The following FAM227B variants were observed in gnomAD, a reference collection of about 807,000 sequenced individuals.
The protein encoded by FAM227B is protein FAM227B.
Under a neutral mutation model 73.8 loss-of-function variants are expected in FAM227B, and 88 were observed. The ratio of observed to expected loss-of-function variants is 1.19; its 90% CI spans 1.00 to 1.42. The LOEUF is 1.42. FAM227B is among the 40% of genes most tolerant of loss of function. The pLI, the probability that FAM227B is intolerant of heterozygous loss-of-function variation, is 0.00. For synonymous variants in FAM227B, 210 were observed against 190.5 expected, an observed-to-expected ratio of 1.10 and a Z score of -0.84; for missense variants, 632 against 590.9, an observed-to-expected ratio of 1.07 and a Z score of -0.72.
chr15:49,511,552 C>A (rs893023398), intron 10 of FAM227B, among the ~76,000 whole-genome samples: 1 of 151,932 alleles, frequency 6.6e-6, no homozygotes, highest in Admixed American at 6.6e-5. Context: ...GCACAGATCC[C>A]CATCACCTAG....
At chr15:49,554,185 C>T (rs1337718955) in intron 9 of FAM227B, among the ~76,000 whole-genome samples, 1 of 152,104 alleles carries the variant, frequency 6.6e-6, no homozygotes, top group Non-Finnish European at 1.5e-5. Flanking sequence ...AGTCAAAGTC[C>T]TCCCCACTCT....
At chr15:49,496,035 A>G (rs1597601761) in intron 11 of FAM227B, among the ~76,000 whole-genome samples, 2 of 152,070 alleles carry the variant, frequency 1.3e-5, no homozygotes, top group East Asian at 1.9e-4. Flanking sequence ...AAAATAAAAT[A>G]AATAAAATAA....
chr15:49,524,209 G>A (rs1004915571), intron 10 of FAM227B, among the ~76,000 whole-genome samples: 1 of 152,318 alleles, frequency 6.6e-6, no homozygotes, highest in South Asian at 2.1e-4. Context: ...CAGGCTTGGA[G>A]GCCTAGAAGG....
intron 11 of FAM227B, among the ~76,000 whole-genome samples, chr15:49,415,553 G>C (rs1001142625): frequency 4.6e-5 from 7 of 152,034 alleles, no homozygotes; most frequent in Admixed American, 3.9e-4. Flanking sequence ...GCTCCAACTA[G>C]AGATTTTGCT....
chr15:49,568,877 G>A (rs1488016949), intron 8 of FAM227B, among the ~76,000 whole-genome samples: 1 of 151,954 alleles, frequency 6.6e-6, no homozygotes, highest in African/African-American at 2.4e-5. Flanking sequence ...TTTAGTATCA[G>A]AGTAATACCT....
intron 6 of FAM227B, chr15:49,577,230 G>A (rs751466043): frequency 4.0e-5 from 13 of 326,030 alleles, no homozygotes; most frequent in Non-Finnish European, 3.1e-5. Flanking sequence ...CTGGGAGGCA[G>A]AGGTTGCAGT....
At chr15:49,371,527 T>A (rs2045805302) in intron 11 of FAM227B, 128 bp from the exon 12 acceptor site, 1 of 444,264 alleles carries the variant, frequency 2.3e-6, no homozygotes, top group Non-Finnish European at 4.0e-6. Flanking sequence ...GGATAAAGAG[T>A]GTTAAGACAT....
chr15:49,440,028 T>C (rs2051488735), intron 11 of FAM227B, among the ~76,000 whole-genome samples: 2 of 151,900 alleles, frequency 1.3e-5, no homozygotes, highest in South Asian at 4.1e-4. Context: ...AATAAAAGTT[T>C]AAGAAGCACT....
intron 9 of FAM227B, among the ~76,000 whole-genome samples, chr15:49,564,129 T>G (rs1240228638): frequency 6.6e-6 from 1 of 151,984 alleles, no homozygotes; most frequent in Non-Finnish European, 1.5e-5. Flanking sequence ...AAACTTAAGA[T>G]TTAAGCAATT....
intron 8 of FAM227B, among the ~76,000 whole-genome samples, chr15:49,569,431 G>T (rs532003218): frequency 6.6e-6 from 1 of 150,892 alleles, no homozygotes; most frequent in Non-Finnish European, 1.5e-5. Flanking sequence ...TTCTGTTTCC[G>T]GTTACTTAAT....
intron 11 of FAM227B, among the ~76,000 whole-genome samples, chr15:49,474,690 C>T (rs571332684): frequency 3.3e-5 from 5 of 152,276 alleles, no homozygotes; most frequent in East Asian, 1.9e-4. Context: ...AGGAACTAGG[C>T]GGCAGAGCAG....
chr15:49,607,255 G>GA (rs1177450443), intron 3 of FAM227B, among the ~76,000 whole-genome samples: 6 of 151,894 alleles, frequency 4.0e-5, no homozygotes, highest in Non-Finnish European at 7.4e-5. Context: ...CTGTCATTTT[G>GA]AAAAAAAGAG....
chr15:49,597,725 C>G (rs565160850), intron 3 of FAM227B, among the ~76,000 whole-genome samples: 2 of 151,858 alleles, frequency 1.3e-5, no homozygotes, highest in Non-Finnish European at 2.9e-5. Context: ...AGACCATTAG[C>G]GAGATTAAGC....
intron 13 of FAM227B, chr15:49,365,730 A>G (rs143703396): frequency 4.5e-6 from 4 of 880,894 alleles, no homozygotes; most frequent in Non-Finnish European, 5.8e-6. Flanking sequence ...TCTCCAAGAT[A>G]TCTTGTAAAA....
At chr15:49,371,203 A>C in intron 12 of FAM227B, 99 bp downstream of exon 12, 1 of 560,594 alleles carries the variant, frequency 1.8e-6, no homozygotes, top group Non-Finnish European at 3.2e-6. Flanking sequence ...TATGGTAAGA[A>C]TGTAGTAACC....
intron 13 of FAM227B, among the ~76,000 whole-genome samples, chr15:49,352,928 T>G (rs964170844): frequency 1.3e-5 from 2 of 152,218 alleles, no homozygotes; most frequent in Non-Finnish European, 2.9e-5. Context: ...GTGTTCTGTC[T>G]TACTGCAGTG....
At chr15:49,591,030 T>TG (rs1269941972) in intron 3 of FAM227B, among the ~76,000 whole-genome samples, 1 of 86,390 alleles carries the variant, frequency 1.2e-5, no homozygotes, top group Non-Finnish European at 2.2e-5. Flanking sequence ...CTTTTTTTTG[T>TG]TTTTTTTTTT....
At chr15:49,535,400 C>A (rs1360358576) in intron 10 of FAM227B, among the ~76,000 whole-genome samples, 1 of 151,612 alleles carries the variant, frequency 6.6e-6, no homozygotes, top group Non-Finnish European at 1.5e-5. Flanking sequence ...AACATACCAA[C>A]AACAAATAAA....
At chr15:49,533,023 C>T (rs921617742) in intron 10 of FAM227B, among the ~76,000 whole-genome samples, 1 of 151,894 alleles carries the variant, frequency 6.6e-6, no homozygotes, top group Non-Finnish European at 1.5e-5. Flanking sequence ...TGTGTCCCCC[C>T]CACACTGCTC....
Sources: allele counts gnomAD v4.1 joint callset (sites outside exome capture counted in the v4.1 genomes callset), GRCh38; gene constraint gnomAD v4.1.1; transcripts MANE v1.5; gene names NCBI Gene and HGNC (gene_info 2026-07-23, HGNC 2026-07-21).